The following FBXO16 variants were observed in gnomAD, a reference collection of about 807,000 sequenced individuals.
The protein encoded by FBXO16 is F-box protein 16, also known as F-box only protein 16.
Under a neutral mutation model 41.0 loss-of-function variants are expected in FBXO16, and 31 were observed. The ratio of observed to expected loss-of-function variants is 0.76; its 90% CI spans 0.57 to 1.02. FBXO16 has a LOEUF of 1.02. Ranked by LOEUF, FBXO16 falls within the 50% of genes least tolerant of loss-of-function variation. The probability of loss-of-function intolerance (pLI) is 0.00; values close to 1 mark genes in which losing one functional copy is unlikely to be tolerated. For synonymous variants in FBXO16, 133 were observed against 117.8 expected (o/e 1.13, Z -0.84); for missense variants, 361 against 346.2 (o/e 1.04, Z -0.34).
chr8:28,447,362 G>A lies in FBXO16; in HGVS notation c.741-89C>T, dbSNP rs576123750. 2.2e-5 allele frequency: 25 copies of A among 1,129,624 alleles called. No homozygotes were observed. In the African/African-American group the frequency reaches 3.9e-4, roughly 18 times the overall value. The allele number at this position is 1,129,624 out of a possible 1,614,324, so 70.0% of individuals were successfully genotyped here. ...AGCTATTTGTCTGTTTGAGTTTGTT[G>A]TTCCTGTGATTTAAAAGATTGTCTC... On this transcript the variant is annotated intron_variant, in intron 6 of 8. Transcript: ENST00000380254.
chr8:28,448,233 C>T (rs1802896541), intron 6 of FBXO16, among the ~76,000 whole-genome samples: 1 of 150,182 alleles, frequency 6.7e-6, no homozygotes, highest in African/African-American at 2.5e-5. Flanking sequence ...TCCAGCTACT[C>T]AGGAGGCTGA....
At chr8:28,472,623 T>C (rs1803355535) in intron 3 of FBXO16, among the ~76,000 whole-genome samples, 1 of 152,064 alleles carries the variant, frequency 6.6e-6, no homozygotes, top group Admixed American at 6.5e-5. Context: ...GCACCTGTAA[T>C]CCCAGCTACT....
intron 7 of FBXO16, among the ~76,000 whole-genome samples, chr8:28,446,432 C>T (rs1802865220): frequency 6.6e-6 from 1 of 151,360 alleles, no homozygotes; most frequent in African/African-American, 2.4e-5. Flanking sequence ...CTCAGCCTCC[C>T]AAAGTACTGG....
At chr8:28,474,449 A>C (rs1312443911) in intron 2 of FBXO16, among the ~76,000 whole-genome samples, 4 of 151,966 alleles carry the variant, frequency 2.6e-5, no homozygotes, top group African/African-American at 9.7e-5. Context: ...TATAAAGAGA[A>C]ATCAATTTTA....
At chr8:28,484,742 C>T (rs1000559413) in intron 1 of FBXO16, among the ~76,000 whole-genome samples, 1 of 151,810 alleles carries the variant, frequency 6.6e-6, no homozygotes, top group African/African-American at 2.4e-5. Context: ...CAGGCGCCCG[C>T]CATCACGCCC....
rs1802573973 is a variant in FBXO16 at position 28,429,377 on chromosome 8, C to CAG, written c.868_869dup (p.Cys291TyrfsTer21). On this transcript the variant is annotated frameshift_variant and splice_region_variant. Coordinates refer to ENST00000380254, the MANE Select transcript of FBXO16 (RefSeq NM_172366.4). LOFTEE classifies it high-confidence loss of function. ...AGGTTGATATCACAACCGAAACTCA[C>CAG]AGTGGGAAGGGATTTCTCCTCGACA... 1 of 1,613,756 alleles carries CAG rather than the reference C, an allele frequency of 6.2e-7. No individual in the cohort carries two copies. The highest frequency in any genetic ancestry group is 8.5e-7 in the Non-Finnish European group (1 of 1,179,920).
At chr8:28,489,699 C>CA (rs1478759373) in intron 1 of FBXO16, among the ~76,000 whole-genome samples, 1 of 114,508 alleles carries the variant, frequency 8.7e-6, no homozygotes, top group Admixed American at 9.5e-5. Context: ...GACCCTGTCT[C>CA]AAAAAACAAA....
intron 7 of FBXO16, among the ~76,000 whole-genome samples, chr8:28,439,330 T>C (rs1334925548): frequency 6.6e-6 from 1 of 152,142 alleles, no homozygotes; most frequent in South Asian, 2.1e-4. Flanking sequence ...TTCTTTGTTA[T>C]TCTTCCTTCC....
intron 4 of FBXO16, 49 bp from the exon 5 acceptor site, chr8:28,456,979 A>G: frequency 6.4e-7 from 1 of 1,571,460 alleles, no homozygotes; most frequent in Non-Finnish European, 8.6e-7. Context: ...CAACCCCTTC[A>G]GTTTACATGC....
chr8:28,448,866 T>G (rs1802907380), intron 6 of FBXO16: 1 of 152,230 alleles, frequency 6.6e-6, no homozygotes, highest in Admixed American at 6.5e-5. Flanking sequence ...TATTACTATA[T>G]TCAGGCTACA....
At chr8:28,438,886 G>C (rs1402881342) in intron 7 of FBXO16, among the ~76,000 whole-genome samples, 1 of 151,914 alleles carries the variant, frequency 6.6e-6, no homozygotes, top group African/African-American at 2.4e-5. Flanking sequence ...GACTTCTTGA[G>C]GTCAGGAGTT....
At position 28,446,176 on chromosome 8, in the gene FBXO16, C is replaced by CTTTTTTTTTTT. The variant is rs11421643; in HGVS notation, c.843+984_843+994dup. ...CAAAGTTACTTTAAATGCATTTTTC[C>CTTTTTTTTTTT]TTTTTTTTTTTTTTTTTTTTTTTGA... is the stretch of plus-strand genomic sequence containing the variant. On this transcript the variant is annotated intron_variant, in intron 7 of 8. Transcript: ENST00000380254. Among the ~76,000 whole-genome samples the CTTTTTTTTTTT allele has an allele frequency of 3.3e-4, 27 of 83,074 alleles. 1 individual carries two copies. Among genetic ancestry groups the CTTTTTTTTTTT allele is most frequent in the Non-Finnish European group, 4.8e-4 (22 of 46,006 alleles). 54.5% of individuals were successfully genotyped at this position (83,074 alleles called of 152,430 possible). A position where few individuals can be genotyped will look rare whatever the true frequency, so the allele number is the denominator to read the frequency against.
intron 6 of FBXO16, 155 bp from the exon 7 acceptor site, chr8:28,447,428 C>T (rs960362437): frequency 6.6e-6 from 4 of 609,756 alleles, no homozygotes; most frequent in African/African-American, 1.9e-5. Flanking sequence ...CAATAGAGAA[C>T]TGGTTGCATC....
intron 3 of FBXO16, 34 bp from the exon 4 acceptor site, chr8:28,463,852 C>T: frequency 6.2e-7 from 1 of 1,602,026 alleles, no homozygotes; most frequent in Non-Finnish European, 8.5e-7. Context: ...ATGTAAAAAG[C>T]TCCAGGTTTA....
At chr8:28,467,757 A>G (rs933369568) in intron 3 of FBXO16, among the ~76,000 whole-genome samples, 3 of 152,224 alleles carry the variant, frequency 2.0e-5, no homozygotes, top group African/African-American at 7.2e-5. Context: ...AGTATTACAC[A>G]ATACTGAAGA....
chr8:28,429,410 G>A lies in FBXO16; in HGVS notation c.844-7C>T, dbSNP rs374589265. On this transcript the variant is annotated splice_region_variant and splice_polypyrimidine_tract_variant and intron_variant, in intron 7 of 8. Coordinates refer to ENST00000380254, the MANE Select transcript of FBXO16 (RefSeq NM_172366.4). ...AGGGATTTCTCCTCGACATCTGGCC[G>A]CGAGCAGGAAAGGGAAGAGAATGGA... is the stretch of plus-strand genomic sequence containing the variant. 114 of 1,613,890 alleles carry A rather than the reference G, an allele frequency of 7.1e-5. No homozygotes were observed. Among genetic ancestry groups the A allele is most frequent in the Middle Eastern group, 1.6e-4 (1 of 6,062 alleles).
intron 1 of FBXO16, among the ~76,000 whole-genome samples, chr8:28,486,525 GC>G (rs1167963019): frequency 3.5e-4 from 52 of 150,278 alleles, no homozygotes; most frequent in Non-Finnish European, 5.6e-4. Flanking sequence ...CCGCGCCTGG[GC>G]TACATTTCTT....
rs535810657 is a variant in FBXO16 at position 28,475,006 on chromosome 8, G to T, written c.100-1199C>A. 7.2e-5 allele frequency among the ~76,000 whole-genome samples: 11 copies of T among 152,306 alleles called. 1 individual carries two copies. The South Asian group carries it at 2.3e-3, about 32-fold the overall frequency. On this transcript the variant is annotated intron_variant, in intron 2 of 8. Transcript: ENST00000380254. ...GGGGTTATTAAGAGAGGAAGAGAGA[G>T]TCATGAACATATGTGAATGTCTCGC...
At chr8:28,441,736 CAA>C (rs1177604301) in intron 7 of FBXO16, among the ~76,000 whole-genome samples, 2 of 84,534 alleles carry the variant, frequency 2.4e-5, no homozygotes, top group Non-Finnish European at 4.7e-5. Flanking sequence ...AACTCCGTCT[CAA>C]AAAAAAAAAA....
Sources: gnomAD v4.1 joint callset for allele counts (sites outside exome capture counted in the v4.1 genomes callset) on GRCh38, gnomAD v4.1.1 for gene constraint, MANE v1.5 for transcripts, NCBI Gene and HGNC (gene_info 2026-07-23, HGNC 2026-07-21) for gene names.